The following OCIAD1 variants were observed in gnomAD, a reference collection of about 807,000 sequenced individuals.
OCIAD1 encodes OCIA domain-containing protein 1.
Under a neutral mutation model 38.9 loss-of-function variants are expected in OCIAD1, and 29 were observed. The observed-to-expected ratio is 0.74, with a 90% CI of 0.55 to 1.02. OCIAD1 has a LOEUF of 1.02. Among genes scored for constraint, OCIAD1 ranks in the 50% least tolerant of loss-of-function variants. The pLI, the probability that OCIAD1 is intolerant of heterozygous loss-of-function variation, is 0.00. For missense variants in OCIAD1, 288 were observed against 289.6 expected, an observed-to-expected ratio of 0.99 and a Z score of 0.04; for synonymous variants, 110 against 92.0, an observed-to-expected ratio of 1.20 and a Z score of -1.12.
At chr4:48,839,644 T>C (rs1306617942) in intron 3 of OCIAD1, among the ~76,000 whole-genome samples, 1 of 152,178 alleles carries the variant, frequency 6.6e-6, no homozygotes, top group Admixed American at 6.5e-5. Flanking sequence ...CTTTATTAAA[T>C]AGCTATTAGT....
At chr4:48,816,130 T>TA (rs1777139694) in intron 1 of OCIAD1, among the ~76,000 whole-genome samples, 1 of 152,212 alleles carries the variant, frequency 6.6e-6, no homozygotes, top group Non-Finnish European at 1.5e-5. Context: ...ACAGGATGGG[T>TA]AAGCCCTTCT....
intron 1 of OCIAD1, among the ~76,000 whole-genome samples, chr4:48,812,220 T>C (rs1236609084): frequency 8.4e-6 from 1 of 118,982 alleles, no homozygotes; most frequent in African/African-American, 3.3e-5. Context: ...GAGGTGGAGG[T>C]TGCAGTGAGC....
Position 48,860,683 on chromosome 4 carries a change from ATT to A in OCIAD1, c.701-41_701-40del, listed in dbSNP as rs761948415. ...AAACTTAAAATAATGTCTTTTACTT[ATT>A]ATTGCTTGGAATCATCAATTATTTA... is the stretch of plus-strand genomic sequence containing the variant. On this transcript the variant is annotated intron_variant, in intron 8 of 8. Transcript: ENST00000264312. 4 of 1,383,138 alleles carry A rather than the reference ATT, an allele frequency of 2.9e-6. No homozygotes were observed. The South Asian group carries it at 4.7e-5, about 16-fold the overall frequency. The allele number at this position is 1,383,138 out of a possible 1,614,324, so 85.7% of individuals were successfully genotyped here.
At chr4:48,810,224 C>T (rs6825639) in intron 1 of OCIAD1, among the ~76,000 whole-genome samples, 74,809 of 151,648 alleles carry the variant, frequency 0.49, 18,959 homozygotes, top group African/African-American at 0.6. Flanking sequence ...GATCCCAGCA[C>T]TTTGGGAGGC....
intron 1 of OCIAD1, among the ~76,000 whole-genome samples, chr4:48,823,562 A>T (rs1308888627): frequency 3.2e-5 from 4 of 124,206 alleles, no homozygotes; most frequent in Non-Finnish European, 7.2e-5. Context: ...AAAGTAAAAT[A>T]AAAAAAAAAA....
chr4:48,861,375 A>G lies in OCIAD1; in HGVS notation c.*613A>G, dbSNP rs1033701285. The G allele has an allele frequency of 3.9e-5, 6 of 152,394 alleles. No individual in the cohort carries two copies. The highest frequency in any genetic ancestry group is 3.4e-3 in the Middle Eastern group (1 of 294). 9.4% of individuals were successfully genotyped at this position (152,394 alleles called of 1,614,324 possible). Reference sequence around the variant, plus strand: ...ATAATATTTCTATAATATGGCTATAATATGGCTATAAATCTATAATATGGC... The same window carrying G: ...ATAATATTTCTATAATATGGCTATAGTATGGCTATAAATCTATAATATGGC... On this transcript the variant is annotated 3_prime_UTR_variant, in exon 9 of 9. Coordinates refer to ENST00000264312, the MANE Select transcript of OCIAD1 (RefSeq NM_017830.4).
At chr4:48,836,073 T>TATG (rs1214260136) in intron 3 of OCIAD1, among the ~76,000 whole-genome samples, 1 of 152,072 alleles carries the variant, frequency 6.6e-6, no homozygotes, top group Non-Finnish European at 1.5e-5. Context: ...AGGGGGGTGA[T>TATG]ATGTAAGGTT....
upstream of OCIAD1, chr4:48,830,770 A>C (rs1421892409): frequency 2.0e-5 from 3 of 152,270 alleles, no homozygotes; most frequent in Non-Finnish European, 2.9e-5. Flanking sequence ...TCGCTCTCAA[A>C]AGAGGGACAA....
chr4:48,829,820 G>C (rs569325998), upstream of OCIAD1, among the ~76,000 whole-genome samples: 6 of 152,298 alleles, frequency 3.9e-5, no homozygotes, highest in African/African-American at 1.4e-4. Flanking sequence ...AGACTTACAA[G>C]CCAACATCTC....
intron 1 of OCIAD1, 24 bp from the exon 2 acceptor site, chr4:48,832,596 T>TA (rs754078476): frequency 5.0e-6 from 8 of 1,585,868 alleles, no homozygotes. Context: ...TTCTAATACT[T>TA]AATATGTAAT....
At chr4:48,807,758 G>A (rs1777043659) in intron 1 of OCIAD1, among the ~76,000 whole-genome samples, 2 of 152,018 alleles carry the variant, frequency 1.3e-5, no homozygotes, top group Non-Finnish European at 2.9e-5. Flanking sequence ...TTTGGGGAGG[G>A]GCTCCAGAGA....
At chr4:48,809,830 T>G (rs1199967827) in intron 1 of OCIAD1, among the ~76,000 whole-genome samples, 1 of 152,222 alleles carries the variant, frequency 6.6e-6, no homozygotes, top group Non-Finnish European at 1.5e-5. Flanking sequence ...CTGCTATGTT[T>G]TCCTCTAATA....
chr4:48,860,721 C>A lies in OCIAD1; in HGVS notation c.701-4C>A. The A allele has an allele frequency of 6.3e-7, 1 of 1,586,316 alleles. No individual in the cohort carries two copies. The highest frequency in any genetic ancestry group is 1.3e-5 in the African/African-American group (1 of 74,162). ...ATCATCAATTATTTATGCTTTTTTC[C>A]TAGTCAAAGTAAACAAGTATGGAGA... On this transcript the variant is annotated splice_polypyrimidine_tract_variant and splice_region_variant and intron_variant, in intron 8 of 8. Coordinates refer to ENST00000264312, the MANE Select transcript of OCIAD1 (RefSeq NM_017830.4).
At chr4:48,810,534 C>T (rs1165706099) in intron 1 of OCIAD1, among the ~76,000 whole-genome samples, 3 of 150,748 alleles carry the variant, frequency 2.0e-5, no homozygotes, top group Admixed American at 1.3e-4. Flanking sequence ...CCTCGAACTT[C>T]GTGGGCTCAA....
upstream of OCIAD1, among the ~76,000 whole-genome samples, chr4:48,827,940 G>A (rs1777266651): frequency 1.3e-5 from 2 of 152,136 alleles, no homozygotes; most frequent in Non-Finnish European, 2.9e-5. Flanking sequence ...GTTTGTAGAT[G>A]CACCAATCAG....
chr4:48,851,085 A>G (rs1779413413), intron 6 of OCIAD1, among the ~76,000 whole-genome samples: 1 of 152,238 alleles, frequency 6.6e-6, no homozygotes, highest in Non-Finnish European at 1.5e-5. Context: ...TATAATCCCC[A>G]TGAGAGAGAA....
chr4:48,860,999 G>A lies in OCIAD1; in HGVS notation c.*237G>A. 1 of 433,652 alleles carries A rather than the reference G, an allele frequency of 2.3e-6. No individual in the cohort carries two copies. The highest frequency in any genetic ancestry group is 4.1e-6 in the Non-Finnish European group (1 of 245,236). The allele number at this position is 433,652 out of a possible 1,614,324, so 26.9% of individuals were successfully genotyped here. On this transcript the variant is annotated 3_prime_UTR_variant, in exon 9 of 9. Transcript: ENST00000264312. ...TGAATGATGGTATTATACCATGATTGTATACAGTTTGTGAAATTGTTGCAA... is the reference window on the plus strand; with the variant it reads ...TGAATGATGGTATTATACCATGATTATATACAGTTTGTGAAATTGTTGCAA...
chr4:48,848,381 C>T lies in OCIAD1; in HGVS notation c.194-18C>T. 1 of 1,320,886 alleles carries T rather than the reference C, an allele frequency of 7.6e-7. No individual in the cohort carries two copies. Among genetic ancestry groups the T allele is most frequent in the South Asian group, 1.2e-5 (1 of 80,486 alleles). 81.8% of individuals were successfully genotyped at this position (1,320,886 alleles called of 1,614,324 possible). On this transcript the variant is annotated intron_variant, in intron 4 of 8. Transcript: ENST00000264312. ...TCTGTAACAGTGTTACTCAGAAATA[C>T]TTAACTCTTTTCTTTAGGAATACTT...
intron 7 of OCIAD1, among the ~76,000 whole-genome samples, chr4:48,852,803 C>T (rs982600412): frequency 9.9e-5 from 15 of 151,362 alleles, no homozygotes; most frequent in Non-Finnish European, 1.5e-4. Flanking sequence ...GAATTAGAAA[C>T]GGGAAATACA....
Sources: gnomAD v4.1 joint callset for allele counts (sites outside exome capture counted in the v4.1 genomes callset) on GRCh38, gnomAD v4.1.1 for gene constraint, MANE v1.5 for transcripts, NCBI Gene and HGNC (gene_info 2026-07-23, HGNC 2026-07-21) for gene names.